Variants in GNAT1 observed in about 807,000 individuals in gnomAD.
The protein encoded by GNAT1 is guanine nucleotide-binding protein G(t) subunit alpha-1.
In GNAT1, 36 loss-of-function variants were observed where a neutral mutation model predicts 40.0. That is an observed-to-expected ratio of 0.90 (90% confidence interval 0.69 to 1.19). GNAT1 has a LOEUF of 1.19. Among genes scored for constraint, GNAT1 ranks in the 50% most tolerant of loss-of-function variants. The pLI, the probability that GNAT1 is intolerant of heterozygous loss-of-function variation, is 0.00. For missense variants in GNAT1, 413 were observed against 480.6 expected, an observed-to-expected ratio of 0.86 and a Z score of 1.32; for synonymous variants, 195 against 192.9, an observed-to-expected ratio of 1.01 and a Z score of -0.09.
Position 50,193,548 on chromosome 3 carries a change from G to A in GNAT1, c.334G>A (p.Glu112Lys). ...KLMHMADTIEEGTMPKEMSDI... is the reference protein window; with the variant it reads ...KLMHMADTIEKGTMPKEMSDI... ...GATGCACATGGCAGACACTATCGAG[G>A]AGGGCACGATGCCCAAGGAGATGTC... The change falls in exon 4 of 9, where the codon GAG becomes AAG. Residue 112 changes from glutamate (E) to lysine (K), a missense_variant. Coordinates refer to ENST00000232461, the MANE Select transcript of GNAT1 (RefSeq NM_144499.3). This position sits in a 1 kb window ranked among gnomAD's most constrained non-coding sequence, Gnocchi z 8.1. The A allele has an allele frequency of 6.2e-7, 1 of 1,613,372 alleles. No homozygotes were observed. Among genetic ancestry groups the A allele is most frequent in the Non-Finnish European group, 8.5e-7 (1 of 1,179,896 alleles).
Position 50,191,619 on chromosome 3 carries a change from C to A in GNAT1, c.-107C>A. On this transcript the variant is annotated 5_prime_UTR_variant, in exon 1 of 9. Coordinates refer to ENST00000232461, the MANE Select transcript of GNAT1 (RefSeq NM_144499.3). ...AGGTCCGTAGAGAGCCAGTTGATTG[C>A]AGGTCCTCCTGGGGCCAGAAGGGTG... is the stretch of plus-strand genomic sequence containing the variant. The A allele has an allele frequency of 1.2e-6, 1 of 804,954 alleles. No individual in the cohort carries two copies. Among genetic ancestry groups the A allele is most frequent in the Non-Finnish European group, 2.2e-6 (1 of 458,610 alleles). 49.9% of individuals were successfully genotyped at this position (804,954 alleles called of 1,614,324 possible).
Position 50,194,806 on chromosome 3 carries a change from C to T in GNAT1, c.904C>T (p.Gln302Ter), listed in dbSNP as rs374913800. ...YEDAGNYIKV[Q>*]FLELNMRRDV... ...GGACGCCGGCAACTACATCAAGGTG[C>T]AGTTCCTCGAGCTCAACATGCGGCG... The change falls in exon 8 of 9, where the codon CAG becomes TAG. Residue 302 changes from glutamine to a stop codon, truncating the protein, a stop_gained. Coordinates refer to ENST00000232461, the MANE Select transcript of GNAT1 (RefSeq NM_144499.3). LOFTEE classifies it high-confidence loss of function. This position sits in a 1 kb window ranked among gnomAD's most constrained non-coding sequence, Gnocchi z 6.1. The T allele has an allele frequency of 6.9e-5, 112 of 1,613,818 alleles. No homozygotes were observed. The highest frequency in any genetic ancestry group is 9.2e-5 in the Non-Finnish European group (109 of 1,179,974).
In GNAT1 at chr3:50,196,645, G is replaced by A. The variant is rs886058689; in HGVS notation, c.*1379G>A. 1 of 152,512 alleles carries A rather than the reference G, an allele frequency of 6.6e-6. No individual in the cohort carries two copies. Among genetic ancestry groups the A allele is most frequent in the Non-Finnish European group, 1.5e-5 (1 of 68,070 alleles). The allele number at this position is 152,512 out of a possible 1,614,324, so 9.4% of individuals were successfully genotyped here. On this transcript the variant is annotated 3_prime_UTR_variant, in exon 9 of 9. Transcript: ENST00000232461. ...CAGGAAGAAGTACCTGGCCTGACAA[G>A]GTGGGGCACTCTTGGGGGTATGGGA... is the stretch of plus-strand genomic sequence containing the variant.
In GNAT1 at chr3:50,193,357, T is replaced by C. The variant is rs1699443661; in HGVS notation, c.242T>C (p.Val81Ala). Residue 81 changes from valine to alanine, a missense_variant, in exon 3 of 9, where the codon GTA (valine) becomes GCA (alanine). By Grantham distance (64) the Val-to-Ala change is moderately conservative (BLOSUM62 0). Coordinates refer to ENST00000232461, the MANE Select transcript of GNAT1 (RefSeq NM_144499.3). This position sits in a 1 kb window ranked among gnomAD's most constrained non-coding sequence, Gnocchi z 8.1. ...ACGTTGCAGTCCATCCTGGCCATCG[T>C]ACGCGCCATGACCACACTCAACATC... is the stretch of plus-strand genomic sequence containing the variant. ...GNTLQSILAI[V>A]RAMTTLNIQY... 6.2e-7 allele frequency: 1 copy of C among 1,613,966 alleles called. No individual in the cohort carries two copies. The highest frequency in any genetic ancestry group is 1.3e-5 in the African/African-American group (1 of 74,916).
chr3:50,194,930 A>G lies in GNAT1; in HGVS notation c.1028A>G (p.Asn343Ser), dbSNP rs747068938. The G allele has an allele frequency of 2.2e-5, 35 of 1,613,288 alleles. 1 individual carries two copies. The South Asian group carries it at 2.7e-4, about 13-fold the overall frequency. The change falls in exon 8 of 9, where the codon AAC becomes AGC. Residue 343 changes from asparagine to serine, a missense_variant. Transcript: ENST00000232461. This position sits in a 1 kb window ranked among gnomAD's most constrained non-coding sequence, Gnocchi z 6.1. ...DAVTDIIIKENLKDCGLF is the reference protein window; with the variant it reads ...DAVTDIIIKESLKDCGLF Reference sequence around the variant, plus strand: ...GTCACCGACATCATCATCAAGGAGAACCTCAAAGACTGTGGCCTCTTCTGA... The same window carrying G: ...GTCACCGACATCATCATCAAGGAGAGCCTCAAAGACTGTGGCCTCTTCTGA...
rs1341984059 is a variant in GNAT1, at chr3:50,194,745, G to T, written c.863-20G>T. The T allele has an allele frequency of 2.5e-6, 4 of 1,612,802 alleles. No homozygotes were observed. Among genetic ancestry groups the T allele is most frequent in the Non-Finnish European group, 3.4e-6 (4 of 1,179,662 alleles). The stretch of plus-strand genomic sequence containing the variant: ...CGGGGAAGGAAGGGCTGAGCAGAGT[G>T]AGAGCTCCCGCCCCCGCAGGACCCA... On this transcript the variant is annotated intron_variant, in intron 7 of 8. Transcript: ENST00000232461. This position sits in a 1 kb window ranked among gnomAD's most constrained non-coding sequence, Gnocchi z 6.1.
rs1288670356 is a variant in GNAT1, at chr3:50,194,284, G to A, written c.708+63G>A. On this transcript the variant is annotated intron_variant, in intron 6 of 8. Coordinates refer to ENST00000232461, the MANE Select transcript of GNAT1 (RefSeq NM_144499.3). This position sits in a 1 kb window ranked among gnomAD's most constrained non-coding sequence, Gnocchi z 6.1. The stretch of plus-strand genomic sequence containing the variant: ...GGAGGAGCTGCTGGTCCCTGGAGGC[G>A]GAGACCGCGCGCTGGGCTGGGGGAG... 3.9e-6 allele frequency: 6 copies of A among 1,544,424 alleles called. No homozygotes were observed. The highest frequency in any genetic ancestry group is 4.4e-6 in the Non-Finnish European group (5 of 1,139,782).
Position 50,196,486 on chromosome 3 carries a change from A to C in GNAT1, c.*1220A>C, listed in dbSNP as rs1197580158. 2 of 152,548 alleles carry C rather than the reference A, an allele frequency of 1.3e-5. No homozygotes were observed. Among genetic ancestry groups the C allele is most frequent in the Non-Finnish European group, 2.9e-5 (2 of 68,042 alleles). 9.4% of individuals were successfully genotyped at this position (152,548 alleles called of 1,614,324 possible). A position where few individuals can be genotyped will look rare whatever the true frequency, so the allele number is the denominator to read the frequency against. ...ATTTGCACTCCCCTCAGCTAGACGC[A>C]CAGACTCAGCAATAAACCTTTGCAT... On this transcript the variant is annotated 3_prime_UTR_variant, in exon 9 of 9. Coordinates refer to ENST00000232461, the MANE Select transcript of GNAT1 (RefSeq NM_144499.3).
Position 50,194,836 on chromosome 3 carries a change from G to T in GNAT1, c.934G>T (p.Val312Leu), listed in dbSNP as rs1233953441. Reference sequence around the variant, plus strand: ...CCTCGAGCTCAACATGCGGCGCGACGTGAAGGAGATCTATTCCCACATGAC... The same window carrying T: ...CCTCGAGCTCAACATGCGGCGCGACTTGAAGGAGATCTATTCCCACATGAC... Reference protein sequence around the residue: ...QFLELNMRRDVKEIYSHMTCA... With the variant: ...QFLELNMRRDLKEIYSHMTCA... Residue 312 changes from valine to leucine, a missense_variant, in exon 8 of 9, where the codon GTG becomes TTG. By Grantham distance (32) the Val-to-Leu change is conservative. Transcript: ENST00000232461. This position sits in a 1 kb window ranked among gnomAD's most constrained non-coding sequence, Gnocchi z 6.1. 12 of 1,613,814 alleles carry T rather than the reference G, an allele frequency of 7.4e-6. No homozygotes were observed. In the East Asian group the frequency reaches 2.5e-4, roughly 33 times the overall value.
At position 50,193,087 on chromosome 3, in the gene GNAT1, G is replaced by C; in HGVS notation, c.107-46G>C. On this transcript the variant is annotated intron_variant, in intron 1 of 8. Coordinates refer to ENST00000232461, the MANE Select transcript of GNAT1 (RefSeq NM_144499.3). This position sits in a 1 kb window ranked among gnomAD's most constrained non-coding sequence, Gnocchi z 8.1. ...CGTCCTCCTGGCCTCCTTGCTGGAG[G>C]GGGCAGGCTGGTCAGCGCAGCTCTG... The C allele has an allele frequency of 1.2e-6, 2 of 1,609,234 alleles. No individual in the cohort carries two copies. The highest frequency in any genetic ancestry group is 1.7e-6 in the Non-Finnish European group (2 of 1,177,226).
Position 50,194,651 on chromosome 3 carries a change from G to C in GNAT1, c.859G>C (p.Asp287His). Residue 287 changes from aspartate to histidine, a missense_variant, in exon 7 of 9, where the codon GAT becomes CAT. Coordinates refer to ENST00000232461, the MANE Select transcript of GNAT1 (RefSeq NM_144499.3). This position sits in a 1 kb window ranked among gnomAD's most constrained non-coding sequence, Gnocchi z 6.1. Reference sequence around the variant, plus strand: ...CCTCAGCATCTGTTTCCCGGACTACGATGGTGAGAAGTCCGCAAGGCCGCC... The same window carrying C: ...CCTCAGCATCTGTTTCCCGGACTACCATGGTGAGAAGTCCGCAAGGCCGCC... ...AHLSICFPDYDGPNTYEDAGN... is the reference protein window; with the variant it reads ...AHLSICFPDYHGPNTYEDAGN... 1 of 1,612,918 alleles carries C rather than the reference G, an allele frequency of 6.2e-7. No homozygotes were observed. Among genetic ancestry groups the C allele is most frequent in the Non-Finnish European group, 8.5e-7 (1 of 1,179,596 alleles).
Position 50,193,700 on chromosome 3 carries a change from G to T in GNAT1, c.449+37G>T. On this transcript the variant is annotated intron_variant, in intron 4 of 8. Coordinates refer to ENST00000232461, the MANE Select transcript of GNAT1 (RefSeq NM_144499.3). This position sits in a 1 kb window ranked among gnomAD's most constrained non-coding sequence, Gnocchi z 8.1. ...GGCAGCGCGGGGCGCGGGGCGCGGG[G>T]CGCAGGGGGCCCTCCACGCCTCCCC... 6.2e-7 allele frequency: 1 copy of T among 1,601,006 alleles called. No individual in the cohort carries two copies. The highest frequency in any genetic ancestry group is 8.5e-7 in the Non-Finnish European group (1 of 1,174,426).
At chr3:50,192,094 C>T (rs1331396262) in intron 1 of GNAT1, among the ~76,000 whole-genome samples, 1 of 152,232 alleles carries the variant, frequency 6.6e-6, no homozygotes, top group Non-Finnish European at 1.5e-5. Context: ...GTGCCAACCA[C>T]ACTCTTGCAC....
chr3:50,194,710 A>G lies in GNAT1; in HGVS notation c.863-55A>G. 3.1e-6 allele frequency: 5 copies of G among 1,606,172 alleles called. No individual in the cohort carries two copies. The highest frequency in any genetic ancestry group is 4.3e-6 in the Non-Finnish European group (5 of 1,174,494). ...CCCCCGCCCCACGATCGCGGCGCGC[A>G]CCCCCCGCACGGGGAAGGAAGGGCT... On this transcript the variant is annotated intron_variant, in intron 7 of 8. Coordinates refer to ENST00000232461, the MANE Select transcript of GNAT1 (RefSeq NM_144499.3). This position sits in a 1 kb window ranked among gnomAD's most constrained non-coding sequence, Gnocchi z 6.1.
chr3:50,193,794 T>A lies in GNAT1; in HGVS notation c.491T>A (p.Val164Glu), dbSNP rs1455904263. The A allele has an allele frequency of 1.2e-6, 2 of 1,612,870 alleles. No individual in the cohort carries two copies. Among genetic ancestry groups the A allele is most frequent in the Non-Finnish European group, 8.5e-7 (1 of 1,179,888 alleles). The change falls in exon 5 of 9, where the codon GTG (valine) becomes GAG (glutamate). Residue 164 changes from valine to glutamate, a missense_variant. Transcript: ENST00000232461. The surrounding 1 kb of genome is among the most constrained non-coding windows in gnomAD (Gnocchi z 8.1). ...DLERLVTPGY[V>E]PTEQDVLRSR... ...GAGCGCCTGGTAACCCCGGGCTACG[T>A]GCCCACCGAGCAGGACGTGCTGCGC...
intron 1 of GNAT1, among the ~76,000 whole-genome samples, chr3:50,192,147 C>T (rs1033604057): frequency 6.6e-6 from 1 of 152,232 alleles, no homozygotes; most frequent in African/African-American, 2.4e-5. Context: ...TTCCCGCAAG[C>T]TTCATGCAGC....
chr3:50,193,906 A>G lies in GNAT1; in HGVS notation c.578+25A>G. On this transcript the variant is annotated intron_variant, in intron 5 of 8. Coordinates refer to ENST00000232461, the MANE Select transcript of GNAT1 (RefSeq NM_144499.3). The surrounding 1 kb of genome is among the most constrained non-coding windows in gnomAD (Gnocchi z 8.1). ...GGTACGACCCATACGCTAGCCCAGG[A>G]GGTCACTGCCCCAGGCCCCGTCCTG... The G allele has an allele frequency of 6.2e-7, 1 of 1,613,034 alleles. No individual in the cohort carries two copies. The highest frequency in any genetic ancestry group is 8.5e-7 in the Non-Finnish European group (1 of 1,179,768).
Position 50,194,359 on chromosome 3 carries a change from G to T in GNAT1, c.708+138G>T. The stretch of plus-strand genomic sequence containing the variant: ...GGGCGGCCTGAGGAGGCCCGGAGGC[G>T]TTCAGCAGGCCCATCTGGGGCAGTG... On this transcript the variant is annotated intron_variant, in intron 6 of 8. Transcript: ENST00000232461. The surrounding 1 kb of genome is among the most constrained non-coding windows in gnomAD (Gnocchi z 6.1). 1 of 1,388,656 alleles carries T rather than the reference G, an allele frequency of 7.2e-7. No homozygotes were observed. The highest frequency in any genetic ancestry group is 1.0e-6 in the Non-Finnish European group (1 of 1,004,884). 86.0% of individuals were successfully genotyped at this position (1,388,656 alleles called of 1,614,324 possible).
chr3:50,194,098 C>T lies in GNAT1; in HGVS notation c.585C>T (p.Phe195=). 6.2e-7 allele frequency: 1 copy of T among 1,613,424 alleles called. No individual in the cohort carries two copies. Among genetic ancestry groups the T allele is most frequent in the South Asian group, 1.1e-5 (1 of 91,048 alleles). The change falls in exon 6 of 9, where the codon TTC becomes TTT. Residue 195 remains phenylalanine, a synonymous_variant. Coordinates refer to ENST00000232461, the MANE Select transcript of GNAT1 (RefSeq NM_144499.3). This position sits in a 1 kb window ranked among gnomAD's most constrained non-coding sequence, Gnocchi z 6.1. Reference sequence around the variant, plus strand: ...GGCCCCCGCGGCCCCGCAGGATGTTCGATGTGGGCGGGCAGCGCTCGGAGC... The same window carrying T: ...GGCCCCCGCGGCCCCGCAGGATGTTTGATGTGGGCGGGCAGCGCTCGGAGC... ...FSFKDLNFRM[F]DVGGQRSERK... is the part of the protein sequence containing the mutation.
Sources: gnomAD v4.1 joint callset for allele counts (sites outside exome capture counted in the v4.1 genomes callset) on GRCh38, gnomAD v4.1.1 for gene constraint, Gnocchi (gnomAD v3.1) non-coding constraint, MANE v1.5 for transcripts, NCBI Gene and HGNC (gene_info 2026-07-23, HGNC 2026-07-21) for gene names.